The following RABGAP1L variants were observed in gnomAD, a reference collection of about 807,000 sequenced individuals.
The protein encoded by RABGAP1L is rab GTPase-activating protein 1-like.
A neutral mutation model predicts 137.7 loss-of-function variants in RABGAP1L; 63 were observed. The ratio of observed to expected loss-of-function variants is 0.46; its 90% CI spans 0.37 to 0.56. RABGAP1L has a LOEUF of 0.56. Among genes scored for constraint, RABGAP1L ranks in the 20% least tolerant of loss-of-function variants. The pLI, the probability that RABGAP1L is intolerant of heterozygous loss-of-function variation, is 0.00. For synonymous variants in RABGAP1L, 431 were observed against 433.7 expected, an observed-to-expected ratio of 0.99 and a Z score of 0.08; for missense variants, 1,095 against 1,244.0, an observed-to-expected ratio of 0.88 and a Z score of 1.80.
chr1:174,231,437 G>GAACT (rs1670641145), intron 4 of RABGAP1L, 82 bp downstream of exon 4: 1 of 1,288,232 alleles, frequency 7.8e-7, no homozygotes, highest in Non-Finnish European at 1.1e-6. Context: ...ATCAGGTGTA[G>GAACT]AACTTACTGT....
chr1:174,402,299 A>T (rs1285719669), intron 13 of RABGAP1L, among the ~76,000 whole-genome samples: 1 of 152,168 alleles, frequency 6.6e-6, no homozygotes, highest in Non-Finnish European at 1.5e-5. Context: ...TCTTGTAAAG[A>T]TCCTTTAGAA....
At chr1:174,905,415 A>T (rs1658883030) in intron 19 of RABGAP1L, among the ~76,000 whole-genome samples, 1 of 152,212 alleles carries the variant, frequency 6.6e-6, no homozygotes, top group Non-Finnish European at 1.5e-5. Flanking sequence ...TTTAGCAAAG[A>T]TTGAAATAAC....
At chr1:174,642,941 C>G (rs1048054743) in intron 14 of RABGAP1L, among the ~76,000 whole-genome samples, 1 of 151,930 alleles carries the variant, frequency 6.6e-6, no homozygotes, top group African/African-American at 2.4e-5. Flanking sequence ...CGCACCACCA[C>G]TCTGGGCTAA....
chr1:174,538,329 A>G (rs1162201542), intron 13 of RABGAP1L, among the ~76,000 whole-genome samples: 1 of 152,122 alleles, frequency 6.6e-6, no homozygotes, highest in Non-Finnish European at 1.5e-5. Context: ...TTTTATTAGT[A>G]TTTAACCCTT....
chr1:174,458,958 A>G (rs10798314), intron 13 of RABGAP1L, among the ~76,000 whole-genome samples: 53,628 of 151,892 alleles, frequency 0.35, 12,110 homozygotes, highest in African/African-American at 0.64. Context: ...TTTACATGCA[A>G]CTCTAAAACA....
At chr1:174,949,557 G>A (rs557939733) in intron 19 of RABGAP1L, among the ~76,000 whole-genome samples, 49 of 152,136 alleles carry the variant, frequency 3.2e-4, no homozygotes, top group Non-Finnish European at 4.1e-4. Context: ...AACAAATTGG[G>A]GGTAGAAGGT....
At chr1:174,579,465 G>A (rs192229496) in intron 13 of RABGAP1L, among the ~76,000 whole-genome samples, 117 of 152,280 alleles carry the variant, frequency 7.7e-4, no homozygotes, top group Admixed American at 1.7e-3. Context: ...GTATGCATAT[G>A]CACTTGTACG....
intron 13 of RABGAP1L, among the ~76,000 whole-genome samples, chr1:174,573,145 T>G (rs570645976): frequency 6.6e-5 from 10 of 152,256 alleles, no homozygotes; most frequent in Admixed American, 4.6e-4. Context: ...TATTTATGTG[T>G]GTATATTTTT....
intron 5 of RABGAP1L, among the ~76,000 whole-genome samples, chr1:174,249,351 AG>A (rs1205189163): frequency 6.6e-6 from 1 of 152,130 alleles, no homozygotes; most frequent in Non-Finnish European, 1.5e-5. Flanking sequence ...CTAGCCCCTG[AG>A]GCTGAGGGAA....
intron 19 of RABGAP1L, among the ~76,000 whole-genome samples, chr1:174,929,750 CAAAA>C (rs1209857291): frequency 3.7e-5 from 3 of 82,028 alleles, no homozygotes; most frequent in Admixed American, 1.2e-4. Context: ...ACTGTCTCTA[CAAAA>C]AATAAATAAA....
chr1:174,395,862 A>C (rs1348502637), intron 13 of RABGAP1L, among the ~76,000 whole-genome samples: 2 of 151,348 alleles, frequency 1.3e-5, no homozygotes, highest in African/African-American at 4.8e-5. Context: ...AAAAGAAAGA[A>C]TACCTAGAGA....
intron 1 of RABGAP1L, among the ~76,000 whole-genome samples, chr1:174,187,409 T>C (rs1320850772): frequency 6.6e-6 from 1 of 152,256 alleles, no homozygotes; most frequent in East Asian, 1.9e-4. Context: ...GTGTCTGCTA[T>C]GTAATAAGAA....
chr1:174,618,522 A>T (rs1672126565), intron 13 of RABGAP1L, among the ~76,000 whole-genome samples: 1 of 152,238 alleles, frequency 6.6e-6, no homozygotes, highest in African/African-American at 2.4e-5. Flanking sequence ...GCTGATACCC[A>T]GGCAAACAGG....
At position 174,252,584 on chromosome 1, in the gene RABGAP1L, T is replaced by C; in HGVS notation, c.980T>C (p.Ile327Thr). 6.2e-7 allele frequency: 1 copy of C among 1,609,560 alleles called. No homozygotes were observed. ...CAACTTTCTAACAAAGAATTAGCTA[T>C]TGAAAGGTAAGCAGCTTGCTCCTAA... ...VQQLSNKELA[I>T]ERCFGMLLSP... Residue 327 changes from isoleucine (I) to threonine (T), a missense_variant, in exon 7 of 26, where the codon ATT (isoleucine) becomes ACT (threonine). Around this residue, in one of 4 missense-constraint regions of RABGAP1L, gnomAD observed 112 missense variants for 157.3 expected, o/e 0.71. Coordinates refer to ENST00000681986, the MANE Select transcript of RABGAP1L (RefSeq NM_001366446.1).
chr1:174,201,644 T>C (rs1383923059), intron 1 of RABGAP1L, among the ~76,000 whole-genome samples: 1 of 124,640 alleles, frequency 8.0e-6, no homozygotes, highest in Non-Finnish European at 1.9e-5. Context: ...ATTGCTTGGC[T>C]TTTTTTTTTC....
chr1:174,274,898 GTTT>G (rs1674850657), intron 8 of RABGAP1L, among the ~76,000 whole-genome samples: 1 of 152,076 alleles, frequency 6.6e-6, no homozygotes, highest in Non-Finnish European at 1.5e-5. Context: ...TTTTCTCTTT[GTTT>G]TAGTCTGACC....
chr1:174,160,582 T>C (rs1335934328), intron 1 of RABGAP1L, among the ~76,000 whole-genome samples: 2 of 152,208 alleles, frequency 1.3e-5, no homozygotes, highest in African/African-American at 4.8e-5. Flanking sequence ...GCCAGCCTTA[T>C]TACACTAATG....
At chr1:174,597,480 G>C (rs1483223200) in intron 13 of RABGAP1L, among the ~76,000 whole-genome samples, 1 of 151,754 alleles carries the variant, frequency 6.6e-6, no homozygotes, top group African/African-American at 2.4e-5. Context: ...ATTTCTTCTA[G>C]GTTTTCTGAT....
intron 13 of RABGAP1L, among the ~76,000 whole-genome samples, chr1:174,428,978 A>AT (rs66675678): frequency 0.39 from 59,024 of 151,622 alleles, 14,474 homozygotes; most frequent in African/African-American, 0.7. Flanking sequence ...TACAACACAG[A>AT]TTTTTTTTTG....
Sources: allele counts gnomAD v4.1 joint callset (sites outside exome capture counted in the v4.1 genomes callset), GRCh38; gene constraint gnomAD v4.1.1; regional missense constraint gnomAD v4.1.1; transcripts MANE v1.5; gene names NCBI Gene and HGNC (gene_info 2026-07-23, HGNC 2026-07-21).